Variants in DPP6 observed in about 807,000 individuals in gnomAD.
DPP6 encodes the protein dipeptidyl peptidase like 6.
In DPP6, 69 loss-of-function variants were observed where a neutral mutation model predicts 122.6. That is an observed-to-expected ratio of 0.56 (90% CI 0.46 to 0.69). DPP6 has a LOEUF of 0.69. Among genes scored for constraint, DPP6 ranks in the 30% least tolerant of loss-of-function variants. DPP6 has a pLI of 0.00. For missense variants in DPP6, 928 were observed against 1,116.9 expected, an observed-to-expected ratio of 0.83 and a Z score of 2.41; for synonymous variants, 418 against 433.1, an observed-to-expected ratio of 0.97 and a Z score of 0.43.
At chr7:154,099,120 T>C (rs1263653415) in intron 1 of DPP6, among the ~76,000 whole-genome samples, 1 of 152,106 alleles carries the variant, frequency 6.6e-6, no homozygotes, top group East Asian at 1.9e-4. Flanking sequence ...GGAGGTTTGC[T>C]CCATGTAAGG....
chr7:153,831,448 G>A, the DPP6 span, among the ~76,000 whole-genome samples: 1 of 152,254 alleles, frequency 6.6e-6, no homozygotes, highest in South Asian at 2.1e-4. Context: ...ACTAAGCTAC[G>A]AAGAGGGACA....
chr7:154,477,739 C>T (rs140273765), intron 3 of DPP6, among the ~76,000 whole-genome samples: 64 of 152,268 alleles, frequency 4.2e-4, no homozygotes, highest in African/African-American at 1.4e-3. Context: ...GCAATTGAGA[C>T]GTGGCTATGT....
chr7:153,756,872 A>G, the DPP6 span, among the ~76,000 whole-genome samples: 4 of 152,052 alleles, frequency 2.6e-5, no homozygotes, highest in African/African-American at 9.7e-5. Flanking sequence ...TTTATCAGTA[A>G]AATACATAAA....
chr7:153,856,686 C>T, the DPP6 span, among the ~76,000 whole-genome samples: 12 of 152,152 alleles, frequency 7.9e-5, no homozygotes, highest in African/African-American at 2.2e-4. Context: ...TGCCCCATAT[C>T]CCATTCTCAA....
chr7:154,727,432 T>C (rs1398632057), intron 7 of DPP6, among the ~76,000 whole-genome samples: 1 of 152,166 alleles, frequency 6.6e-6, no homozygotes, highest in African/African-American at 2.4e-5. Flanking sequence ...GCCTCCAACA[T>C]TGGAGATTAC....
chr7:154,858,156 A>G (rs1476912435), intron 17 of DPP6: 1 of 152,294 alleles, frequency 6.6e-6, no homozygotes, highest in Non-Finnish European at 1.5e-5. Flanking sequence ...AGCATTTATC[A>G]GCACTTGCTC....
chr7:154,127,620 CACACACACACACAG>C (rs559326191), intron 1 of DPP6, among the ~76,000 whole-genome samples: 4 of 119,404 alleles, frequency 3.3e-5, no homozygotes, highest in African/African-American at 1.6e-4. Flanking sequence ...CACACACACA[CACACACACACACAG>C]ACACACACAC....
intron 1 of DPP6, among the ~76,000 whole-genome samples, chr7:154,220,839 G>T (rs1277385899): frequency 6.6e-6 from 1 of 152,230 alleles, no homozygotes; most frequent in Non-Finnish European, 1.5e-5. Flanking sequence ...GCACAGTACA[G>T]GTCAGGGCTT....
chr7:154,464,701 T>A (rs1234035356), intron 2 of DPP6, among the ~76,000 whole-genome samples: 1 of 152,254 alleles, frequency 6.6e-6, no homozygotes, highest in Non-Finnish European at 1.5e-5. Flanking sequence ...GGTCTATTGA[T>A]ATTGGGACCA....
intron 4 of DPP6, among the ~76,000 whole-genome samples, chr7:154,547,544 A>C (rs912496435): frequency 1.3e-5 from 2 of 152,210 alleles, no homozygotes; most frequent in African/African-American, 4.8e-5. Context: ...ACTTCTAACC[A>C]GACTGGTCTC....
chr7:153,901,439 AC>A (rs571466890), intron 1 of DPP6, among the ~76,000 whole-genome samples: 15 of 152,246 alleles, frequency 9.9e-5, no homozygotes, highest in Non-Finnish European at 2.1e-4. Context: ...TTCCCAGACC[AC>A]CATAGTGGGT....
intron 1 of DPP6, among the ~76,000 whole-genome samples, chr7:154,358,708 T>C (rs1811474610): frequency 6.6e-6 from 1 of 152,128 alleles, no homozygotes; most frequent in South Asian, 2.1e-4. Context: ...AGAAACAATA[T>C]TTCTTCTTTT....
At chr7:154,232,970 C>A (rs751854917) in intron 1 of DPP6, among the ~76,000 whole-genome samples, 2 of 152,192 alleles carry the variant, frequency 1.3e-5, no homozygotes, top group Non-Finnish European at 2.9e-5. Flanking sequence ...CTATTTATAT[C>A]ACAGATTACA....
chr7:154,301,323 G>A (rs1805884101), intron 1 of DPP6, among the ~76,000 whole-genome samples: 1 of 152,154 alleles, frequency 6.6e-6, no homozygotes, highest in Admixed American at 6.5e-5. Flanking sequence ...TCTGTGCAAG[G>A]CGCTTGGAAA....
At chr7:154,792,270 C>T (rs761049332) in intron 10 of DPP6, among the ~76,000 whole-genome samples, 2 of 152,234 alleles carry the variant, frequency 1.3e-5, no homozygotes, top group Non-Finnish European at 2.9e-5. Flanking sequence ...ACACACGTCC[C>T]ATGGTAGGGA....
chr7:154,514,226 A>G (rs1586507555), intron 3 of DPP6, among the ~76,000 whole-genome samples: 1 of 152,252 alleles, frequency 6.6e-6, no homozygotes, highest in Non-Finnish European at 1.5e-5. Flanking sequence ...TGGTGAGCCA[A>G]GATAGCACCA....
the DPP6 span, among the ~76,000 whole-genome samples, chr7:153,788,287 C>T: frequency 8.1e-3 from 1,239 of 152,356 alleles, 12 homozygotes; most frequent in African/African-American, 0.028. Flanking sequence ...CACTGGCCTT[C>T]TGTAGCATTT....
At chr7:154,385,171 G>A (rs35311828) in intron 1 of DPP6, among the ~76,000 whole-genome samples, 71,720 of 151,884 alleles carry the variant, frequency 0.47, 19,584 homozygotes, top group East Asian at 0.63. Flanking sequence ...GGGTTTCACC[G>A]TGTTAGCCAG....
chr7:154,362,495 A>C (rs565435838), intron 1 of DPP6, among the ~76,000 whole-genome samples: 2 of 152,018 alleles, frequency 1.3e-5, no homozygotes, highest in Admixed American at 1.3e-4. Context: ...GCTCACCACA[A>C]CGTCTGCTTC....
Sources: allele counts gnomAD v4.1 joint callset (sites outside exome capture counted in the v4.1 genomes callset), GRCh38; gene constraint gnomAD v4.1.1; transcripts MANE v1.5; gene names NCBI Gene and HGNC (gene_info 2026-07-23, HGNC 2026-07-21).